Variants in ZDHHC11 observed in about 807,000 individuals in gnomAD.
The protein encoded by ZDHHC11 is palmitoyltransferase ZDHHC11.
A neutral mutation model predicts 51.3 loss-of-function variants in ZDHHC11; 44 were observed. The observed-to-expected ratio is 0.86, with a 90% CI of 0.67 to 1.10. The LOEUF is 1.10. ZDHHC11 is among the 50% of genes least tolerant of loss of function. The pLI is 0.00. For missense variants in ZDHHC11, 400 were observed against 537.7 expected (o/e 0.74, Z 2.53); for synonymous variants, 163 against 222.0 (o/e 0.73, Z 2.36).
chr5:856,929 ACAC>A (rs1193655263), intron 1 of ZDHHC11, among the ~76,000 whole-genome samples: 11 of 150,834 alleles, frequency 7.3e-5, no homozygotes, highest in African/African-American at 1.7e-4. Flanking sequence ...ACCAAACCAC[ACAC>A]CACCGAGCAC....
chr5:798,434 A>T (rs1438248186), intron 12 of ZDHHC11, among the ~76,000 whole-genome samples: 1 of 151,330 alleles, frequency 6.6e-6, no homozygotes, highest in Non-Finnish European at 1.5e-5. Flanking sequence ...CACACCCTTA[A>T]CTTGCTCAGT....
chr5:797,754 A>G (rs1274800655), intron 12 of ZDHHC11, among the ~76,000 whole-genome samples: 1 of 151,566 alleles, frequency 6.6e-6, no homozygotes, highest in Non-Finnish European at 1.5e-5. Flanking sequence ...TGTTTCTACT[A>G]CGTTTTCTGC....
At chr5:844,088 G>A (rs1165145813) in intron 3 of ZDHHC11, among the ~76,000 whole-genome samples, 3 of 151,960 alleles carry the variant, frequency 2.0e-5, no homozygotes, top group East Asian at 3.9e-4. Context: ...GAGGTGACAG[G>A]TCAGTGTGGG....
intron 12 of ZDHHC11, among the ~76,000 whole-genome samples, chr5:798,129 C>T (rs1193389948): frequency 4.7e-5 from 7 of 149,574 alleles, no homozygotes; most frequent in African/African-American, 1.8e-4. Context: ...AATGAGGGTA[C>T]CGCCCTCTGG....
chr5:807,067 C>T (rs1313016706), intron 11 of ZDHHC11, among the ~76,000 whole-genome samples: 1 of 150,794 alleles, frequency 6.6e-6, no homozygotes, highest in Non-Finnish European at 1.5e-5. Context: ...AACTGGAAGC[C>T]ATCTCCATGC....
intron 11 of ZDHHC11, among the ~76,000 whole-genome samples, chr5:807,266 G>T (rs1185205460): frequency 6.9e-6 from 1 of 145,162 alleles, no homozygotes; most frequent in South Asian, 2.2e-4. Context: ...AAAAAAAAAT[G>T]AAAAAGTATC....
At chr5:816,588 G>A (rs1740831074) in intron 10 of ZDHHC11, 1 of 623,342 alleles carries the variant, frequency 1.6e-6, no homozygotes. Flanking sequence ...CTAATTGACG[G>A]TCACCTCACC....
At chr5:818,311 G>C (rs1252951000) in intron 10 of ZDHHC11, among the ~76,000 whole-genome samples, 2 of 151,698 alleles carry the variant, frequency 1.3e-5, no homozygotes, top group African/African-American at 4.8e-5. Flanking sequence ...GTGAGTCTGG[G>C]CGGGGCAGGC....
At chr5:853,056 G>T (rs111358656), upstream of ZDHHC11, among the ~76,000 whole-genome samples, 4,775 of 139,166 alleles carry the variant, frequency 0.034, 99 homozygotes, top group Non-Finnish European at 0.049. Flanking sequence ...GGAGGACAGC[G>T]AGCCAGGTGG....
Position 824,769 on chromosome 5 carries a change from T to TA in ZDHHC11, c.1023+394dup, listed in dbSNP as rs58948043. 3.5e-3 allele frequency among the ~76,000 whole-genome samples: 439 copies of TA among 125,420 alleles called. 4 individuals carry two copies. The highest frequency in any genetic ancestry group is 0.023 in the Middle Eastern group (6 of 258). 82.3% of individuals were successfully genotyped at this position (125,420 alleles called of 152,430 possible). On this transcript the variant is annotated intron_variant, in intron 8 of 12. Transcript: ENST00000283441. ...CACAGTCTTTCCTAAGCATTTTATT[T>TA]AAAAAAAAAAAAAAAACAGCACATG...
At chr5:809,844 GTGC>G (rs1459593417) in intron 11 of ZDHHC11, among the ~76,000 whole-genome samples, 1 of 55,046 alleles carries the variant, frequency 1.8e-5, no homozygotes, top group Non-Finnish European at 3.9e-5. Flanking sequence ...GGAAGGCTCT[GTGC>G]TGCCCACTGG....
intron 5 of ZDHHC11, chr5:839,454 TC>T (rs1744414386): frequency 6.9e-6 from 1 of 144,384 alleles, no homozygotes; most frequent in Non-Finnish European, 1.5e-5. Context: ...CAGCTCTGTG[TC>T]CGTAGGATTT....
Position 811,601 on chromosome 5 carries a change from A to G in ZDHHC11, c.1181+3160T>C, listed in dbSNP as rs866653965. Among the ~76,000 whole-genome samples the G allele has an allele frequency of 8.9e-4, 131 of 147,802 alleles. 9 individuals carry two copies. Among genetic ancestry groups the G allele is most frequent in the African/African-American group, 3.0e-3 (113 of 38,178 alleles). On this transcript the variant is annotated intron_variant, in intron 11 of 12. Coordinates refer to ENST00000283441, the MANE Select transcript of ZDHHC11 (RefSeq NM_024786.3). Reference sequence around the variant, plus strand: ...CAGGAAGAGCAAGGCAGGAACTTGCATCCTCTGCCCACCTGGGGAAGACTG... The same window carrying G: ...CAGGAAGAGCAAGGCAGGAACTTGCGTCCTCTGCCCACCTGGGGAAGACTG...
intron 11 of ZDHHC11, among the ~76,000 whole-genome samples, chr5:812,781 T>C (rs534686395): frequency 6.6e-6 from 1 of 151,346 alleles, no homozygotes; most frequent in African/African-American, 2.4e-5. Context: ...GTCATAAACT[T>C]AATATCCCAT....
chr5:806,261 G>A (rs1199752161), intron 11 of ZDHHC11, among the ~76,000 whole-genome samples: 3 of 151,078 alleles, frequency 2.0e-5, no homozygotes, highest in African/African-American at 7.3e-5. Flanking sequence ...GTGCATAAAT[G>A]GAATTCAGGA....
intron 11 of ZDHHC11, among the ~76,000 whole-genome samples, chr5:806,023 A>G (rs1357886389): frequency 1.3e-5 from 2 of 151,316 alleles, no homozygotes; most frequent in Non-Finnish European, 3.0e-5. Flanking sequence ...GTCTGACGTC[A>G]GGACACCAGA....
At chr5:810,797 G>T (rs1201707954) in intron 11 of ZDHHC11, among the ~76,000 whole-genome samples, 1 of 151,982 alleles carries the variant, frequency 6.6e-6, no homozygotes, top group African/African-American at 2.4e-5. Flanking sequence ...ATTCAACAAG[G>T]TTAGCTCATT....
At chr5:859,499 G>A (rs1007592917), upstream of ZDHHC11, among the ~76,000 whole-genome samples, 6 of 152,140 alleles carry the variant, frequency 3.9e-5, no homozygotes, top group Non-Finnish European at 7.4e-5. Flanking sequence ...GCGACGTCCA[G>A]GAAGACTGCG....
chr5:804,391 A>C (rs1455440062), intron 11 of ZDHHC11, among the ~76,000 whole-genome samples: 49 of 151,184 alleles, frequency 3.2e-4, no homozygotes, highest in African/African-American at 1.1e-3. Flanking sequence ...GAGTCTTGGA[A>C]CGTATCCCCC....
Sources: gnomAD v4.1 joint callset for allele counts (sites outside exome capture counted in the v4.1 genomes callset) on GRCh38, gnomAD v4.1.1 for gene constraint, MANE v1.5 for transcripts, NCBI Gene and HGNC (gene_info 2026-07-23, HGNC 2026-07-21) for gene names.